Variants in CEP295NL observed in about 807,000 individuals in gnomAD.
CEP295NL encodes the protein protein DDC8 homolog.
CEP295NL carries 3 observed loss-of-function variants against 4.6 expected under a neutral mutation model. The observed-to-expected ratio is 0.65, with a 90% CI of 0.30 to 1.69. The LOEUF is 1.69. CEP295NL is among the 40% of genes most tolerant of loss of function. The probability of loss-of-function intolerance (pLI) is 0.10; values close to 1 mark genes in which losing one functional copy is unlikely to be tolerated. For synonymous variants in CEP295NL, 295 were observed against 312.2 expected, an observed-to-expected ratio of 0.94 and a Z score of 0.58; for missense variants, 719 against 769.0, an observed-to-expected ratio of 0.93 and a Z score of 0.77.
chr17:78,895,420 A>C (rs1023350933), intron 2 of CEP295NL, among the ~76,000 whole-genome samples: 3 of 152,356 alleles, frequency 2.0e-5, no homozygotes, highest in African/African-American at 7.2e-5. Context: ...CTGACCCTGC[A>C]GTGTCCTGCC....
chr17:78,892,254 G>A lies in CEP295NL; in HGVS notation c.250C>T (p.Gln84Ter), dbSNP rs549504220. ...GCGAGATCGCCTTTGCCCCGGGCTT[G>A]TAGCAATTTGTGCTTTTTCCTCCAA... Reference protein sequence around the residue: ...LLWRKKHKLLQARGKGDLALQ... With the variant: ...LLWRKKHKLL The change falls in exon 3 of 3, where the codon CAA becomes TAA. Residue 84 changes from glutamine to a stop codon, truncating the protein, a stop_gained. Transcript: ENST00000322630. LOFTEE classifies it low-confidence loss of function (END_TRUNC). 6.4e-7 allele frequency: 1 copy of A among 1,550,880 alleles called. No homozygotes were observed. Among genetic ancestry groups the A allele is most frequent in the Non-Finnish European group, 8.7e-7 (1 of 1,147,054 alleles).
Sources: gnomAD v4.1 joint callset for allele counts (sites outside exome capture counted in the v4.1 genomes callset) on GRCh38, gnomAD v4.1.1 for gene constraint, MANE v1.5 for transcripts, NCBI Gene and HGNC (gene_info 2026-07-23, HGNC 2026-07-21) for gene names.